TSHZ2: variants seen among roughly 807,000 people sequenced by gnomAD.
TSHZ2 encodes the protein teashirt homolog 2.
Under a neutral mutation model 74.4 loss-of-function variants are expected in TSHZ2, and 21 were observed. The ratio of observed to expected loss-of-function variants is 0.28; its 90% CI spans 0.20 to 0.41. The LOEUF (loss-of-function observed/expected upper bound fraction) is 0.41. Among genes scored for constraint, TSHZ2 ranks in the 10% least tolerant of loss-of-function variants. The probability of loss-of-function intolerance (pLI) is 1.00; values close to 1 mark genes in which losing one functional copy is unlikely to be tolerated. For missense variants in TSHZ2, 1,244 were observed against 1,293.5 expected (o/e 0.96, Z 0.59); for synonymous variants, 540 against 515.3 (o/e 1.05, Z -0.65).
intron 1 of TSHZ2, among the ~76,000 whole-genome samples, chr20:53,188,293 G>GA (rs1262261247): frequency 2.0e-5 from 3 of 152,188 alleles, no homozygotes; most frequent in African/African-American, 7.2e-5. Context: ...CAGCCGAGGG[G>GA]ACTTTTGGAG....
At chr20:53,049,902 T>C (rs1984363792) in intron 1 of TSHZ2, among the ~76,000 whole-genome samples, 1 of 151,592 alleles carries the variant, frequency 6.6e-6, no homozygotes, top group South Asian at 2.1e-4. Flanking sequence ...GCCAACACGG[T>C]GAAACCCTGT....
chr20:53,200,652 GT>G (rs1258571859), intron 1 of TSHZ2, among the ~76,000 whole-genome samples: 1 of 151,658 alleles, frequency 6.6e-6, no homozygotes, highest in East Asian at 1.9e-4. Flanking sequence ...GGGGATTTTT[GT>G]TTGTTTGTTT....
At chr20:53,171,557 T>C (rs879093830) in intron 1 of TSHZ2, among the ~76,000 whole-genome samples, 6 of 150,412 alleles carry the variant, frequency 4.0e-5, no homozygotes, top group Admixed American at 2.0e-4. Context: ...GTTTTTTTTT[T>C]CCTAAATTAA....
intron 2 of TSHZ2, among the ~76,000 whole-genome samples, chr20:53,445,072 A>C (rs1295751206): frequency 6.6e-6 from 1 of 152,206 alleles, no homozygotes; most frequent in Non-Finnish European, 1.5e-5. Flanking sequence ...ATGTGCTGGC[A>C]TTTCACATTA....
intron 2 of TSHZ2, among the ~76,000 whole-genome samples, chr20:53,326,573 C>G (rs775005015): frequency 6.6e-6 from 1 of 152,064 alleles, no homozygotes; most frequent in African/African-American, 2.4e-5. Flanking sequence ...TCTAGAAAGC[C>G]CCCCCGGCAA....
intron 2 of TSHZ2, among the ~76,000 whole-genome samples, chr20:53,363,240 T>C (rs1415201118): frequency 6.6e-6 from 1 of 152,232 alleles, no homozygotes; most frequent in Admixed American, 6.5e-5. Flanking sequence ...ACCATCACCC[T>C]AGCTGTGCTT....
intron 2 of TSHZ2, among the ~76,000 whole-genome samples, chr20:53,396,574 G>A (rs1982455613): frequency 6.6e-6 from 1 of 151,996 alleles, no homozygotes; most frequent in African/African-American, 2.4e-5. Flanking sequence ...GACCAGGTAT[G>A]GGTGGCTCGT....
intron 1 of TSHZ2, among the ~76,000 whole-genome samples, chr20:53,159,342 T>G (rs1184898850): frequency 6.6e-6 from 1 of 152,194 alleles, no homozygotes; most frequent in African/African-American, 2.4e-5. Flanking sequence ...GGAAATAAAG[T>G]TTTATTGGCA....
At chr20:53,396,509 A>G (rs577629312) in intron 2 of TSHZ2, among the ~76,000 whole-genome samples, 2 of 152,286 alleles carry the variant, frequency 1.3e-5, no homozygotes, top group African/African-American at 4.8e-5. Flanking sequence ...AGAGACACCA[A>G]TCAAAAGAGA....
At chr20:53,419,552 A>G (rs1036779993) in intron 2 of TSHZ2, among the ~76,000 whole-genome samples, 35 of 152,206 alleles carry the variant, frequency 2.3e-4, no homozygotes, top group African/African-American at 8.4e-4. Context: ...TGAGGTATAG[A>G]CATTAAACAC....
chr20:53,271,272 T>C (rs556485052), intron 2 of TSHZ2, among the ~76,000 whole-genome samples: 1 of 152,286 alleles, frequency 6.6e-6, no homozygotes, highest in Non-Finnish European at 1.5e-5. Context: ...CTGAGGGACC[T>C]GGGTCAGGGC....
At chr20:53,145,771 C>T (rs1987525563) in intron 1 of TSHZ2, among the ~76,000 whole-genome samples, 1 of 152,170 alleles carries the variant, frequency 6.6e-6, no homozygotes. Flanking sequence ...CAGAGAAGCA[C>T]AGGTAATCCC....
chr20:53,286,891 A>G (rs1378747312), intron 2 of TSHZ2, among the ~76,000 whole-genome samples: 13 of 83,798 alleles, frequency 1.6e-4, no homozygotes, highest in African/African-American at 2.2e-4. Flanking sequence ...AAAAATACAC[A>G]CACACACACA....
chr20:53,216,790 C>T (rs1297453446), intron 1 of TSHZ2, among the ~76,000 whole-genome samples: 2 of 152,194 alleles, frequency 1.3e-5, no homozygotes, highest in Non-Finnish European at 2.9e-5. Flanking sequence ...GGTTGTTCTT[C>T]TCTGAACTTG....
chr20:53,253,474 T>C, intron 1 of TSHZ2, 25 bp from the exon 2 acceptor site: 1 of 1,566,810 alleles, frequency 6.4e-7, no homozygotes, highest in Non-Finnish European at 8.6e-7. Context: ...TTACTGTCGT[T>C]TCATCTCTTC....
intron 1 of TSHZ2, among the ~76,000 whole-genome samples, chr20:52,991,902 C>T (rs1376247772): frequency 1.3e-5 from 2 of 152,166 alleles, no homozygotes; most frequent in Non-Finnish European, 2.9e-5. Flanking sequence ...CTAATGGAAT[C>T]ACTGCAAAGC....
At chr20:53,195,033 C>T (rs1410205743) in intron 1 of TSHZ2, among the ~76,000 whole-genome samples, 2 of 152,246 alleles carry the variant, frequency 1.3e-5, no homozygotes, top group African/African-American at 2.4e-5. Context: ...TTGTCACCTT[C>T]GGGAAGGTGG....
At chr20:53,331,425 T>C (rs890779470) in intron 2 of TSHZ2, among the ~76,000 whole-genome samples, 2 of 152,060 alleles carry the variant, frequency 1.3e-5, no homozygotes, top group African/African-American at 4.8e-5. Flanking sequence ...GGAGATTTAA[T>C]GTGAGGGAGC....
At chr20:53,376,928 AG>A (rs1164917284) in intron 2 of TSHZ2, among the ~76,000 whole-genome samples, 7 of 152,260 alleles carry the variant, frequency 4.6e-5, no homozygotes, top group African/African-American at 1.7e-4. Flanking sequence ...TCACAGGCCT[AG>A]GCCAAATTCA....
Sources: gnomAD v4.1 joint callset for allele counts (sites outside exome capture counted in the v4.1 genomes callset) on GRCh38, gnomAD v4.1.1 for gene constraint, MANE v1.5 for transcripts, NCBI Gene and HGNC (gene_info 2026-07-23, HGNC 2026-07-21) for gene names.